FBLN2: variants seen among roughly 807,000 people sequenced by gnomAD.
The protein encoded by FBLN2 is fibulin-2.
In FBLN2, 81 loss-of-function variants were observed where a neutral mutation model predicts 123.7. The ratio of observed to expected loss-of-function variants is 0.65; its 90% CI spans 0.55 to 0.79. The LOEUF (loss-of-function observed/expected upper bound fraction) is 0.79. Ranked by LOEUF, FBLN2 falls within the 30% of genes least tolerant of loss-of-function variation. The pLI is 0.00. For missense variants in FBLN2, 1,603 were observed against 1,681.3 expected, an observed-to-expected ratio of 0.95 and a Z score of 0.81; for synonymous variants, 699 against 701.4, an observed-to-expected ratio of 1.00 and a Z score of 0.05.
rs1424860034 is a variant in FBLN2 at position 13,628,905 on chromosome 3, A to G, written c.2570A>G (p.Asp857Gly). Residue 857 changes from aspartate to glycine, a missense_variant and splice_region_variant, in exon 12 of 18, where the codon GAC becomes GGC. Physicochemically the swap from Asp to Gly is moderately conservative, Grantham distance 94. Coordinates refer to ENST00000404922, the MANE Select transcript of FBLN2 (RefSeq NM_001004019.2). ...CTGTCACCTACACCTGCCTCTGCAG[A>G]CATCAACGAGTGCACGTCACTGTCC... ...FLQDPEGNCV[D>G]INECTSLSEP... is the part of the protein sequence containing the mutation. 4.3e-6 allele frequency: 7 copies of G among 1,612,462 alleles called. 1 individual carries two copies. The South Asian group carries it at 7.7e-5, about 18-fold the overall frequency.
intron 8 of FBLN2, among the ~76,000 whole-genome samples, chr3:13,621,204 A>G (rs912024450): frequency 5.3e-5 from 8 of 152,262 alleles, no homozygotes; most frequent in African/African-American, 1.9e-4. Flanking sequence ...TGCTCTGCGG[A>G]GGAGCGCTGC....
chr3:13,562,143 G>A (rs1703626534), intron 1 of FBLN2, among the ~76,000 whole-genome samples: 1 of 152,084 alleles, frequency 6.6e-6, no homozygotes, highest in Admixed American at 6.6e-5. Flanking sequence ...AAGGAGCACC[G>A]GGTCACCCTC....
At chr3:13,623,051 C>T (rs970784742) in intron 9 of FBLN2, among the ~76,000 whole-genome samples, 1 of 152,226 alleles carries the variant, frequency 6.6e-6, no homozygotes, top group Non-Finnish European at 1.5e-5. Context: ...CTGGACATAT[C>T]CCCTTCCTTC....
intron 4 of FBLN2, among the ~76,000 whole-genome samples, chr3:13,612,516 G>A (rs1457295687): frequency 6.6e-6 from 1 of 151,948 alleles, no homozygotes; most frequent in Non-Finnish European, 1.5e-5. Context: ...GAGTAGGTGG[G>A]ACTACAGGTG....
chr3:13,562,736 A>G (rs1002503236), intron 1 of FBLN2, among the ~76,000 whole-genome samples: 1 of 152,138 alleles, frequency 6.6e-6, no homozygotes, highest in Non-Finnish European at 1.5e-5. Flanking sequence ...CTATTTCCAG[A>G]ACTTTTTCAT....
Position 13,588,431 on chromosome 3 carries a change from G to C in FBLN2, c.1306+16770G>C, listed in dbSNP as rs534801777. Among the ~76,000 whole-genome samples, 5 of 152,354 alleles carry C rather than the reference G, an allele frequency of 3.3e-5. No individual in the cohort carries two copies. The South Asian group carries it at 1.0e-3, about 32-fold the overall frequency. ...GTGGGGTGAAGGGAAATGGAAAGCT[G>C]CCAGGCGGAGGCACGGGGCGTTTGG... is the stretch of plus-strand genomic sequence containing the variant. On this transcript the variant is annotated intron_variant, in intron 2 of 17. Coordinates refer to ENST00000404922, the MANE Select transcript of FBLN2 (RefSeq NM_001004019.2).
chr3:13,603,763 G>A (rs1286754372), intron 2 of FBLN2, among the ~76,000 whole-genome samples: 1 of 152,194 alleles, frequency 6.6e-6, no homozygotes, highest in East Asian at 1.9e-4. Context: ...GTAATGGGAT[G>A]GCTGGGTCAA....
intron 1 of FBLN2, among the ~76,000 whole-genome samples, chr3:13,557,476 G>A (rs1017370397): frequency 6.6e-6 from 1 of 152,016 alleles, no homozygotes. Context: ...TGTATCCAGG[G>A]CCTCTGCAGA....
At chr3:13,593,538 A>T (rs1187542794) in intron 2 of FBLN2, among the ~76,000 whole-genome samples, 1 of 151,838 alleles carries the variant, frequency 6.6e-6, no homozygotes, top group Non-Finnish European at 1.5e-5. Flanking sequence ...GCATGGTGAA[A>T]CCCCGTCTCT....
rs73148691 is a variant in FBLN2, at chr3:13,609,422, G to C, written c.1419-91G>C. ...ACCGGCTCCCTTGCTGTGGACCTTGGGCAGAGCTTCCCTCCTCTGAGCCTC... is the reference window on the plus strand; with the variant it reads ...ACCGGCTCCCTTGCTGTGGACCTTGCGCAGAGCTTCCCTCCTCTGAGCCTC... On this transcript the variant is annotated intron_variant, in intron 3 of 17. Transcript: ENST00000404922. 7.5e-3 allele frequency: 10,584 copies of C among 1,411,834 alleles called. 638 individuals carry two copies. The African/African-American group carries it at 0.13, about 18-fold the overall frequency. 87.5% of individuals were successfully genotyped at this position (1,411,834 alleles called of 1,614,324 possible). A position where few individuals can be genotyped will look rare whatever the true frequency, so the allele number is the denominator to read the frequency against.
chr3:13,586,431 C>T (rs1320629360), intron 2 of FBLN2, among the ~76,000 whole-genome samples: 1 of 151,522 alleles, frequency 6.6e-6, no homozygotes, highest in African/African-American at 2.4e-5. Context: ...GATCCGCCTG[C>T]CTAGGCCTCT....
chr3:13,586,425 C>G (rs542388984), intron 2 of FBLN2, among the ~76,000 whole-genome samples: 1 of 151,418 alleles, frequency 6.6e-6, no homozygotes, highest in East Asian at 2.0e-4. Context: ...CCTCGTGATC[C>G]GCCTGCCTAG....
At chr3:13,618,406 C>T in intron 6 of FBLN2, 121 bp downstream of exon 6, 2 of 860,914 alleles carry the variant, frequency 2.3e-6, no homozygotes, top group South Asian at 1.7e-5. Context: ...AAGTTGGAAC[C>T]CACAGAAGCC....
intron 2 of FBLN2, among the ~76,000 whole-genome samples, chr3:13,588,543 A>G (rs1438668716): frequency 6.6e-6 from 1 of 152,248 alleles, no homozygotes; most frequent in Non-Finnish European, 1.5e-5. Context: ...TTGCTCTGGC[A>G]GAGCACGGCT....
At position 13,636,466 on chromosome 3, in the gene FBLN2, G is replaced by A; in HGVS notation, c.3236G>A (p.Gly1079Asp). ...SCKDVDECALGTHNCSEAETC... is the reference protein window; with the variant it reads ...SCKDVDECALDTHNCSEAETC... ...CCAGACGTGGATGAGTGTGCACTGG[G>A]TACCCACAACTGTTCCGAGGCTGAG... The change falls in exon 17 of 18, where the codon GGT becomes GAT. Residue 1079 changes from glycine (G) to aspartate (D), a missense_variant. Gly to Asp is a moderately conservative substitution (Grantham distance 94). Transcript: ENST00000404922. 1 of 1,613,714 alleles carries A rather than the reference G, an allele frequency of 6.2e-7. No individual in the cohort carries two copies. Among genetic ancestry groups the A allele is most frequent in the Non-Finnish European group, 8.5e-7 (1 of 1,179,778 alleles).
At chr3:13,616,510 C>A (rs17038341) in intron 5 of FBLN2, among the ~76,000 whole-genome samples, 28,441 of 152,140 alleles carry the variant, frequency 0.19, 4,057 homozygotes, top group African/African-American at 0.4. Context: ...GGGACCAGAC[C>A]GCCAGCCATC....
chr3:13,558,556 A>G (rs11712980), intron 1 of FBLN2, among the ~76,000 whole-genome samples: 13,496 of 151,706 alleles, frequency 0.089, 617 homozygotes, highest in East Asian at 0.15. Context: ...CTTCTGGGAT[A>G]CTCACATTCA....
intron 2 of FBLN2, among the ~76,000 whole-genome samples, chr3:13,602,669 A>T (rs982302579): frequency 2.0e-5 from 3 of 152,134 alleles, no homozygotes; most frequent in African/African-American, 7.2e-5. Flanking sequence ...TTTGAATGGG[A>T]ATTTTTTCCT....
At chr3:13,583,087 C>T (rs931168114) in intron 2 of FBLN2, among the ~76,000 whole-genome samples, 2 of 152,250 alleles carry the variant, frequency 1.3e-5, no homozygotes, top group Non-Finnish European at 2.9e-5. Flanking sequence ...TCAGCAAACG[C>T]GCGAGCTGCG....
Sources: gnomAD v4.1 joint callset for allele counts (sites outside exome capture counted in the v4.1 genomes callset) on GRCh38, gnomAD v4.1.1 for gene constraint, MANE v1.5 for transcripts, NCBI Gene and HGNC (gene_info 2026-07-23, HGNC 2026-07-21) for gene names.